The following DGKH variants were observed in gnomAD, a reference collection of about 807,000 sequenced individuals.
DGKH encodes the protein diacylglycerol kinase eta, also known as DAG kinase eta.
A neutral mutation model predicts 159.3 loss-of-function variants in DGKH; 90 were observed. The observed-to-expected ratio is 0.57, with a 90% CI of 0.48 to 0.67. The LOEUF (loss-of-function observed/expected upper bound fraction) is 0.67, where lower values mean the gene tolerates loss of function less well. DGKH is among the 30% of genes least tolerant of loss of function. The probability of loss-of-function intolerance (pLI) is 0.00; values close to 1 mark genes in which losing one functional copy is unlikely to be tolerated. For synonymous variants in DGKH, 536 were observed against 553.8 expected, an observed-to-expected ratio of 0.97 and a Z score of 0.45; for missense variants, 1,181 against 1,506.1, an observed-to-expected ratio of 0.78 and a Z score of 3.57.
chr13:42,198,298 C>A (rs1049114867), intron 17 of DGKH, among the ~76,000 whole-genome samples, 180 bp from the exon 18 acceptor site: 6 of 152,136 alleles, frequency 3.9e-5, no homozygotes, highest in Non-Finnish European at 8.8e-5. Context: ...GTGTCAAAAG[C>A]CTTGTACTCA....
chr13:42,120,992 A>G (rs1210501100), intron 1 of DGKH, among the ~76,000 whole-genome samples: 2 of 151,872 alleles, frequency 1.3e-5, no homozygotes, highest in African/African-American at 4.8e-5. Context: ...ATTTTGTTCC[A>G]GAAGTAGTTT....
chr13:42,043,951 C>T (rs1439720682), upstream of DGKH: 3 of 152,160 alleles, frequency 2.0e-5, no homozygotes, highest in Admixed American at 6.5e-5. Flanking sequence ...TCTCCTACCT[C>T]AGCCTCCCGA....
chr13:42,115,531 TG>T (rs1371277126), intron 1 of DGKH, among the ~76,000 whole-genome samples: 1 of 151,922 alleles, frequency 6.6e-6, no homozygotes, highest in Non-Finnish European at 1.5e-5. Flanking sequence ...GAGGATGGGA[TG>T]GGGTGGGAGG....
intron 5 of DGKH, among the ~76,000 whole-genome samples, chr13:42,158,174 A>G (rs1418140804): frequency 1.3e-5 from 2 of 152,206 alleles, no homozygotes; most frequent in Non-Finnish European, 2.9e-5. Flanking sequence ...TAGTTATTTT[A>G]CCTGAAACTT....
chr13:42,237,357 T>C lies in DGKH; in HGVS notation c.*8169T>C, dbSNP rs561495538. The C allele has an allele frequency of 6.6e-6, 1 of 152,162 alleles. No homozygotes were observed. The highest frequency in any genetic ancestry group is 6.5e-5 in the Admixed American group (1 of 15,290). 9.4% of individuals were successfully genotyped at this position (152,162 alleles called of 1,614,324 possible). A position where few individuals can be genotyped will look rare whatever the true frequency, so the allele number is the denominator to read the frequency against. ...CTATAATTTTAAAGGCAAAGAGTTT[T>C]ATATTAATTTTACTGTTGCACAAGC... On this transcript the variant is annotated 3_prime_UTR_variant, in exon 30 of 30. Transcript: ENST00000337343.
At chr13:42,187,196 C>T (rs1298811302) in intron 14 of DGKH, 48 bp downstream of exon 14, 14 of 1,465,246 alleles carry the variant, frequency 9.6e-6, no homozygotes, top group Admixed American at 1.7e-5. Flanking sequence ...GGACAATGCT[C>T]ACATTCAACT....
intron 1 of DGKH, among the ~76,000 whole-genome samples, chr13:42,059,919 T>TTA (rs1555255920): frequency 7.7e-4 from 116 of 150,704 alleles, no homozygotes; most frequent in Middle Eastern, 3.4e-3. Flanking sequence ...TTTTTTTTTT[T>TTA]TATATATATA....
intron 13 of DGKH, among the ~76,000 whole-genome samples, chr13:42,184,808 A>G (rs953520512): frequency 2.0e-5 from 3 of 151,986 alleles, no homozygotes; most frequent in Non-Finnish European, 4.4e-5. Flanking sequence ...TCAGGGATGC[A>G]GTTACCTATG....
chr13:42,139,982 AG>A (rs937024024), intron 3 of DGKH, among the ~76,000 whole-genome samples: 15 of 152,168 alleles, frequency 9.9e-5, no homozygotes, highest in African/African-American at 3.6e-4. Context: ...TATAGGAAGG[AG>A]GGGACGGAAT....
chr13:42,167,321 G>A (rs555374964), intron 9 of DGKH, among the ~76,000 whole-genome samples: 1 of 152,272 alleles, frequency 6.6e-6, no homozygotes, highest in African/African-American at 2.4e-5. Context: ...AAACCTCTAT[G>A]TAACATACTT....
At chr13:42,073,218 C>G (rs1339753302) in intron 1 of DGKH, among the ~76,000 whole-genome samples, 1 of 152,206 alleles carries the variant, frequency 6.6e-6, no homozygotes, top group Non-Finnish European at 1.5e-5. Context: ...GATATACCCT[C>G]AAGATTTTAG....
chr13:42,146,789 T>C, intron 3 of DGKH, among the ~76,000 whole-genome samples: 1 of 152,212 alleles, frequency 6.6e-6, no homozygotes, highest in East Asian at 1.9e-4. Context: ...TACAAGAAGA[T>C]AAATAGTTGC....
chr13:42,074,456 G>A (rs1883171270), intron 1 of DGKH, among the ~76,000 whole-genome samples: 1 of 152,000 alleles, frequency 6.6e-6, no homozygotes, highest in South Asian at 2.1e-4. Flanking sequence ...TCAAATAAAG[G>A]AAATATTTGC....
At chr13:42,256,494 A>T in exon 31 of DGKH, 1 of 1,091,170 alleles carries the variant, frequency 9.2e-7, no homozygotes. Flanking sequence ...GAACAGTTTG[A>T]TGAACAGGTA....
intron 24 of DGKH, among the ~76,000 whole-genome samples, chr13:42,212,147 A>C (rs1474685032): frequency 6.6e-6 from 1 of 152,128 alleles, no homozygotes; most frequent in Non-Finnish European, 1.5e-5. Flanking sequence ...TCAGCGGCTA[A>C]CTCACATCTT....
At chr13:42,099,360 G>A (rs995210771) in intron 1 of DGKH, among the ~76,000 whole-genome samples, 3 of 152,098 alleles carry the variant, frequency 2.0e-5, no homozygotes, top group African/African-American at 7.2e-5. Flanking sequence ...CTGAATAAGG[G>A]CCCTGAAGGA....
rs1056924763 is a variant in DGKH at position 42,168,665 on chromosome 13, G to GCA, written c.1228-12_1228-11dup. ...CAACTTGTCTGAAAGTCACCCTGTT[G>GCA]CACTGTCTTTCAGTGTCAGCTGGGA... On this transcript the variant is annotated splice_polypyrimidine_tract_variant and intron_variant, in intron 10 of 29. Coordinates refer to ENST00000337343, the MANE Select transcript of DGKH (RefSeq NM_178009.5). The GCA allele has an allele frequency of 3.1e-6, 5 of 1,614,040 alleles. No homozygotes were observed. In the African/African-American group the frequency reaches 6.7e-5, roughly 22 times the overall value.
At chr13:42,075,997 C>T (rs1276839751) in intron 1 of DGKH, among the ~76,000 whole-genome samples, 1 of 152,058 alleles carries the variant, frequency 6.6e-6, no homozygotes, top group Non-Finnish European at 1.5e-5. Context: ...TAATATAGCC[C>T]ACTTTCAATG....
At chr13:42,188,833 T>C (rs762999290) in intron 14 of DGKH, among the ~76,000 whole-genome samples, 4 of 152,214 alleles carry the variant, frequency 2.6e-5, no homozygotes, top group Non-Finnish European at 2.9e-5. Flanking sequence ...ATTTAAATTA[T>C]AGTTGTCTAT....
Sources: gnomAD v4.1 joint callset for allele counts (sites outside exome capture counted in the v4.1 genomes callset) on GRCh38, gnomAD v4.1.1 for gene constraint, MANE v1.5 for transcripts, NCBI Gene and HGNC (gene_info 2026-07-23, HGNC 2026-07-21) for gene names.